The following CNTN5 variants were observed in gnomAD, a reference collection of about 807,000 sequenced individuals.
CNTN5 encodes contactin-5.
CNTN5 carries 77 observed loss-of-function variants against 129.1 expected under a neutral mutation model. That is an observed-to-expected ratio of 0.60 (90% CI 0.50 to 0.72). CNTN5 has a LOEUF of 0.72. CNTN5 is among the 30% of genes least tolerant of loss of function. The pLI, the probability that CNTN5 is intolerant of heterozygous loss-of-function variation, is 0.00. For synonymous variants in CNTN5, 509 were observed against 465.6 expected (o/e 1.09, Z -1.20); for missense variants, 1,478 against 1,328.8 (o/e 1.11, Z -1.75).
intron 13 of CNTN5, among the ~76,000 whole-genome samples, chr11:100,173,996 G>A (rs1947892933): frequency 1.3e-5 from 2 of 152,104 alleles, no homozygotes; most frequent in Admixed American, 1.3e-4. Flanking sequence ...CTGAACTAGA[G>A]AAGAGAAAGA....
intron 1 of CNTN5, among the ~76,000 whole-genome samples, chr11:99,241,318 G>GT (rs10648459): frequency 0.6 from 52,548 of 87,986 alleles, 15,842 homozygotes; most frequent in East Asian, 0.74. Flanking sequence ...TTGATTGTTG[G>GT]TTTTTTTTTT....
chr11:99,654,910 C>T (rs1250638666), intron 3 of CNTN5, among the ~76,000 whole-genome samples: 1 of 151,938 alleles, frequency 6.6e-6, no homozygotes, highest in Admixed American at 6.6e-5. Context: ...AAGGTTTAAT[C>T]TTAGTGTCCC....
intron 2 of CNTN5, among the ~76,000 whole-genome samples, chr11:99,444,313 A>T (rs1381939141): frequency 6.6e-6 from 1 of 152,184 alleles, no homozygotes; most frequent in Non-Finnish European, 1.5e-5. Flanking sequence ...ATTTGTCAGA[A>T]GATAGTACTG....
At chr11:100,161,830 TACACACACACACACACACACACAC>T (rs71050053) in intron 13 of CNTN5, among the ~76,000 whole-genome samples, 44 of 125,888 alleles carry the variant, frequency 3.5e-4, no homozygotes, top group Admixed American at 2.3e-3. Context: ...TGGAGCTTCC[TACACACACACACACACACACACAC>T]ACACACACAC....
At position 99,382,845 on chromosome 11, in the gene CNTN5, CTTTTTTTTTTTTTT is replaced by C. The variant is rs1163660333; in HGVS notation, c.-71+57378_-71+57391del. On this transcript the variant is annotated intron_variant, in intron 2 of 24. Coordinates refer to ENST00000524871, the MANE Select transcript of CNTN5 (RefSeq NM_014361.4). ...ACATCTCACTAGTGTCTCTAAATAA[CTTTTTTTTTTTTTT>C]TTTTTTTTTTTTTTTTAGACAGAGT... Among the ~76,000 whole-genome samples, 81 of 77,052 alleles carry C rather than the reference CTTTTTTTTTTTTTT, an allele frequency of 1.1e-3. 1 individual carries two copies. The highest frequency in any genetic ancestry group is 0.011 in the Middle Eastern group (1 of 90). The allele number at this position is 77,052 out of a possible 152,430, so 50.5% of individuals were successfully genotyped here.
intron 17 of CNTN5, among the ~76,000 whole-genome samples, chr11:100,267,337 C>T (rs937640188): frequency 1.3e-5 from 2 of 151,626 alleles, no homozygotes; most frequent in African/African-American, 4.8e-5. Flanking sequence ...TATAAGGACA[C>T]TAAGATCACA....
At position 99,280,003 on chromosome 11, in the gene CNTN5, G is replaced by GA. The variant is rs538646814; in HGVS notation, c.-209-45335dup. On this transcript the variant is annotated intron_variant, in intron 1 of 24. Coordinates refer to ENST00000524871, the MANE Select transcript of CNTN5 (RefSeq NM_014361.4). ...GTTCTTTACAATCGACTCAGAAAAA[G>GA]AAAAAAAATCAGGATATTTTTAAAG... Among the ~76,000 whole-genome samples the GA allele has an allele frequency of 2.2e-3, 325 of 149,970 alleles. 2 individuals carry two copies. The highest frequency in any genetic ancestry group is 7.4e-3 in the African/African-American group (304 of 40,990).
chr11:99,667,899 A>G (rs1175355056), intron 3 of CNTN5, among the ~76,000 whole-genome samples: 1 of 152,064 alleles, frequency 6.6e-6, no homozygotes, highest in Non-Finnish European at 1.5e-5. Context: ...GCACCCATAT[A>G]CCTATGTAAC....
chr11:99,030,623 T>C (rs1189061691), intron 1 of CNTN5, among the ~76,000 whole-genome samples: 3 of 152,192 alleles, frequency 2.0e-5, no homozygotes, highest in Admixed American at 2.0e-4. Flanking sequence ...TTTTGAATCC[T>C]GTGTGATAAC....
Position 99,440,806 on chromosome 11 carries a change from T to C in CNTN5, c.-71+115322T>C, listed in dbSNP as rs368602294. 5.3e-5 allele frequency among the ~76,000 whole-genome samples: 8 copies of C among 152,272 alleles called. No individual in the cohort carries two copies. In the East Asian group the frequency reaches 5.8e-4, roughly 11 times the overall value. On this transcript the variant is annotated intron_variant, in intron 2 of 24. Coordinates refer to ENST00000524871, the MANE Select transcript of CNTN5 (RefSeq NM_014361.4). The stretch of plus-strand genomic sequence containing the variant: ...GTCCAGGCTTGGAAGTCATATTCTG[T>C]TGGTGAAAATGTAATCCCGTGATCA...
At chr11:99,923,753 GTCTGTCTATCTATCTA>G (rs1214751192) in intron 7 of CNTN5, among the ~76,000 whole-genome samples, 1 of 116,242 alleles carries the variant, frequency 8.6e-6, no homozygotes, top group South Asian at 2.8e-4. Context: ...TAATCTATCT[GTCTGTCTATCTATCTA>G]TCTATCTATC....
At chr11:99,946,669 G>A (rs1950559408) in intron 7 of CNTN5, among the ~76,000 whole-genome samples, 1 of 152,038 alleles carries the variant, frequency 6.6e-6, no homozygotes, top group Non-Finnish European at 1.5e-5. Flanking sequence ...TGTATCCATA[G>A]TATGTATATT....
At position 99,382,563 on chromosome 11, in the gene CNTN5, T is replaced by G. The variant is rs368472582; in HGVS notation, c.-71+57079T>G. On this transcript the variant is annotated intron_variant, in intron 2 of 24. Coordinates refer to ENST00000524871, the MANE Select transcript of CNTN5 (RefSeq NM_014361.4). ...ACCAAAGAAAACAAATACCTGTGTG[T>G]GCTTTTACGAGACTTATTTGTTCTT... 7.9e-5 allele frequency among the ~76,000 whole-genome samples: 12 copies of G among 152,300 alleles called. No homozygotes were observed. In the East Asian group the frequency reaches 9.6e-4, roughly 12 times the overall value.
intron 7 of CNTN5, among the ~76,000 whole-genome samples, chr11:99,936,952 G>A (rs1033593268): frequency 2.0e-5 from 3 of 152,090 alleles, no homozygotes; most frequent in Non-Finnish European, 4.4e-5. Context: ...CCATGATATC[G>A]ATGGAGTTCT....
At chr11:99,668,210 A>G (rs1952878435) in intron 3 of CNTN5, among the ~76,000 whole-genome samples, 1 of 152,150 alleles carries the variant, frequency 6.6e-6, no homozygotes, top group Admixed American at 6.5e-5. Context: ...GACTGCTAGT[A>G]GGACACAACT....
At position 100,269,578 on chromosome 11, in the gene CNTN5, T is replaced by C. The variant is rs139490667; in HGVS notation, c.2165-1514T>C. ...GGTCCACCCCTTAATAAGGGTAAAA[T>C]TTCTTTAGTTTCTATTGGAGTAAAA... On this transcript the variant is annotated intron_variant, in intron 17 of 24. Coordinates refer to ENST00000524871, the MANE Select transcript of CNTN5 (RefSeq NM_014361.4). 3.0e-3 allele frequency among the ~76,000 whole-genome samples: 451 copies of C among 152,240 alleles called. 2 individuals carry two copies. Among genetic ancestry groups the C allele is most frequent in the African/African-American group, 0.01 (425 of 41,538 alleles).
chr11:99,841,980 T>C (rs916312879), intron 4 of CNTN5, among the ~76,000 whole-genome samples: 2 of 151,650 alleles, frequency 1.3e-5, no homozygotes, highest in African/African-American at 4.8e-5. Flanking sequence ...TCCACCTCCA[T>C]TGTTCAAGCG....
intron 3 of CNTN5, among the ~76,000 whole-genome samples, chr11:99,630,406 T>G (rs1308361579): frequency 6.6e-6 from 1 of 152,028 alleles, no homozygotes; most frequent in Non-Finnish European, 1.5e-5. Context: ...CTATGTTGAT[T>G]TCTTCTAATC....
chr11:99,795,588 C>CTTTTTTT (rs35521565), intron 3 of CNTN5, among the ~76,000 whole-genome samples: 2 of 143,206 alleles, frequency 1.4e-5, no homozygotes, highest in South Asian at 2.2e-4. Context: ...TCCTTTAGAT[C>CTTTTTTT]TTTTTTTTTT....
Sources: allele counts gnomAD v4.1 joint callset (sites outside exome capture counted in the v4.1 genomes callset), GRCh38; gene constraint gnomAD v4.1.1; transcripts MANE v1.5; gene names NCBI Gene and HGNC (gene_info 2026-07-23, HGNC 2026-07-21).